The following PAX5 variants were observed in gnomAD, a reference collection of about 807,000 sequenced individuals.
PAX5 encodes paired box protein Pax-5.
In PAX5, 9 loss-of-function variants were observed where a neutral mutation model predicts 43.7. That is an observed-to-expected ratio of 0.21 (90% CI 0.12 to 0.36). The LOEUF (loss-of-function observed/expected upper bound fraction) is 0.36, where lower values mean the gene tolerates loss of function less well. Among genes scored for constraint, PAX5 ranks in the 10% least tolerant of loss-of-function variants. The pLI is 1.00. For synonymous variants in PAX5, 228 were observed against 214.3 expected, an observed-to-expected ratio of 1.06 and a Z score of -0.56; for missense variants, 383 against 532.7, an observed-to-expected ratio of 0.72 and a Z score of 2.77.
chr9:36,842,181 A>T (rs568404941), intron 9 of PAX5, among the ~76,000 whole-genome samples: 3 of 152,288 alleles, frequency 2.0e-5, no homozygotes, highest in African/African-American at 4.8e-5. Flanking sequence ...CCCTGGCTGC[A>T]GTCCCGACTC....
At chr9:36,932,618 T>C (rs981149451) in intron 6 of PAX5, among the ~76,000 whole-genome samples, 4 of 152,316 alleles carry the variant, frequency 2.6e-5, no homozygotes, top group Middle Eastern at 3.4e-3. Flanking sequence ...TCTGGAGTGA[T>C]GAAACGAGTC....
intron 7 of PAX5, among the ~76,000 whole-genome samples, chr9:36,888,550 A>C (rs1421513847): frequency 6.6e-6 from 1 of 152,260 alleles, no homozygotes; most frequent in Non-Finnish European, 1.5e-5. Flanking sequence ...GAATATATTC[A>C]TACAAATGTC....
chr9:36,989,941 G>A (rs1836783827), intron 5 of PAX5, among the ~76,000 whole-genome samples: 1 of 152,178 alleles, frequency 6.6e-6, no homozygotes, highest in Non-Finnish European at 1.5e-5. Context: ...AGTCTTGCTG[G>A]GAAAACAGGC....
intron 7 of PAX5, among the ~76,000 whole-genome samples, chr9:36,899,644 C>T (rs1007259529): frequency 3.9e-5 from 6 of 152,120 alleles, no homozygotes; most frequent in Non-Finnish European, 4.4e-5. Context: ...AAGGGAAATG[C>T]CTGCCAGCCA....
At chr9:36,986,357 C>A (rs1443000259) in intron 5 of PAX5, among the ~76,000 whole-genome samples, 1 of 147,448 alleles carries the variant, frequency 6.8e-6, no homozygotes, top group Non-Finnish European at 1.5e-5. Flanking sequence ...CGGGCCCCGC[C>A]GCGGCCGCGC....
chr9:36,882,762 A>G lies in PAX5; in HGVS notation c.911-657T>C, dbSNP rs1470634795. On this transcript the variant is annotated intron_variant, in intron 7 of 9. Transcript: ENST00000358127. The surrounding 1 kb of genome is among the most constrained non-coding windows in gnomAD (Gnocchi z 4.4). Reference sequence around the variant, plus strand: ...CCAAACACTGTTCTGGCCCTGGGACATGGAGGTTAAGGCCTCAGCCCTCAA... The same window carrying G: ...CCAAACACTGTTCTGGCCCTGGGACGTGGAGGTTAAGGCCTCAGCCCTCAA... Among the ~76,000 whole-genome samples the G allele has an allele frequency of 2.6e-5, 4 of 152,232 alleles. No individual in the cohort carries two copies. The highest frequency in any genetic ancestry group is 5.9e-5 in the Non-Finnish European group (4 of 68,042).
chr9:36,898,255 G>GCCAGC (rs1828042330), intron 7 of PAX5, among the ~76,000 whole-genome samples: 1 of 152,222 alleles, frequency 6.6e-6, no homozygotes, highest in South Asian at 2.1e-4. Context: ...GCCAGTGCTT[G>GCCAGC]CCAGCCCAGC....
chr9:36,950,735 C>CTTTTTTTTTTTTTTTTTTTTTTTTT (rs55801947), intron 6 of PAX5, among the ~76,000 whole-genome samples: 1 of 116,638 alleles, frequency 8.6e-6, no homozygotes, highest in Non-Finnish European at 1.9e-5. Context: ...ACTGAGTTTT[C>CTTTTTTTTTTTTTTTTTTTTTTTTT]TTTTTTTTTT....
In PAX5 at chr9:36,841,826, A is replaced by G. The variant is rs10511933; in HGVS notation, c.1100-1190T>C. Among the ~76,000 whole-genome samples the G allele has an allele frequency of 0.014, 2,194 of 152,316 alleles. 277 individuals are homozygous for G. In the East Asian group the frequency reaches 0.32, roughly 22 times the overall value. On this transcript the variant is annotated intron_variant, in intron 9 of 9. Coordinates refer to ENST00000358127, the MANE Select transcript of PAX5 (RefSeq NM_016734.3). ...GGCAAACGCCAGCCTGACACAGGTT[A>G]ATATTCAGAGCAGGAAGGGGATCCA...
chr9:36,960,329 A>G (rs10117137), intron 6 of PAX5, among the ~76,000 whole-genome samples: 144,505 of 152,226 alleles, frequency 0.95, 68,750 homozygotes, highest in Non-Finnish European at 0.99. Context: ...ACACACATGC[A>G]CACGCCAGCC....
intron 8 of PAX5, among the ~76,000 whole-genome samples, chr9:36,868,655 A>G (rs1245097895): frequency 5.3e-5 from 8 of 152,108 alleles, no homozygotes; most frequent in Non-Finnish European, 8.8e-5. Context: ...AAGGCCACCT[A>G]TGTCCCTGAG....
chr9:37,002,145 A>G (rs12554596), intron 5 of PAX5, among the ~76,000 whole-genome samples: 22,232 of 151,784 alleles, frequency 0.15, 2,059 homozygotes, highest in Middle Eastern at 0.24. Context: ...CCCCAACACC[A>G]TCATCAGGGC....
chr9:36,919,839 CAAAAAAAAAAAAAAA>C (rs61173333), intron 7 of PAX5, among the ~76,000 whole-genome samples: 3 of 66,208 alleles, frequency 4.5e-5, no homozygotes, highest in Admixed American at 3.6e-4. Flanking sequence ...GACTCTGTCT[CAAAAAAAAAAAAAAA>C]AAAAAAAAAA....
chr9:36,950,934 G>T (rs1832952230), intron 6 of PAX5, among the ~76,000 whole-genome samples: 1 of 151,972 alleles, frequency 6.6e-6, no homozygotes, highest in African/African-American at 2.4e-5. Flanking sequence ...TAGAGACGGG[G>T]TTTCACCATC....
At chr9:36,871,232 C>A (rs1454306319) in intron 8 of PAX5, among the ~76,000 whole-genome samples, 1 of 152,258 alleles carries the variant, frequency 6.6e-6, no homozygotes, top group African/African-American at 2.4e-5. Context: ...GGGCCCTGTG[C>A]ATACCCGGGC....
intron 8 of PAX5, among the ~76,000 whole-genome samples, chr9:36,855,639 C>A (rs1423178532): frequency 6.6e-6 from 1 of 152,182 alleles, no homozygotes. Flanking sequence ...ACACCCCAGA[C>A]GCCGCCTGGT....
chr9:36,843,263 A>T (rs1246907114), intron 9 of PAX5, among the ~76,000 whole-genome samples: 1 of 152,174 alleles, frequency 6.6e-6, no homozygotes, highest in South Asian at 2.1e-4. Flanking sequence ...CGAATAACCC[A>T]TCTAGGTCTA....
At chr9:36,993,796 C>T (rs910995231) in intron 5 of PAX5, among the ~76,000 whole-genome samples, 4 of 152,244 alleles carry the variant, frequency 2.6e-5, no homozygotes, top group South Asian at 4.2e-4. Context: ...CCCCCTCCAT[C>T]GGCCCCACCA....
chr9:36,924,263 C>T (rs1830407837), intron 6 of PAX5, among the ~76,000 whole-genome samples: 1 of 152,188 alleles, frequency 6.6e-6, no homozygotes, highest in Non-Finnish European at 1.5e-5. Context: ...TCAGAGTTTG[C>T]AATGAGTCAT....
Sources: allele counts gnomAD v4.1 joint callset (sites outside exome capture counted in the v4.1 genomes callset), GRCh38; gene constraint gnomAD v4.1.1; non-coding constraint Gnocchi (gnomAD v3.1); transcripts MANE v1.5; gene names NCBI Gene and HGNC (gene_info 2026-07-23, HGNC 2026-07-21).